DGKB: variants seen among roughly 807,000 people sequenced by gnomAD.
DGKB encodes the protein diacylglycerol kinase beta.
In DGKB, 67 loss-of-function variants were observed where a neutral mutation model predicts 114.3. The observed-to-expected ratio is 0.59, with a 90% CI of 0.48 to 0.72. The LOEUF (loss-of-function observed/expected upper bound fraction) is 0.72. Ranked by LOEUF, DGKB falls within the 30% of genes least tolerant of loss-of-function variation. DGKB has a pLI of 0.00. For synonymous variants in DGKB, 398 were observed against 323.1 expected, an observed-to-expected ratio of 1.23 and a Z score of -2.49; for missense variants, 907 against 975.2, an observed-to-expected ratio of 0.93 and a Z score of 0.93.
chr7:14,285,232 A>G (rs773078025), intron 23 of DGKB, among the ~76,000 whole-genome samples: 22 of 152,272 alleles, frequency 1.4e-4, no homozygotes, highest in Non-Finnish European at 2.5e-4. Context: ...CCTAAAATAT[A>G]CTGCCATTAG....
Position 14,736,186 on chromosome 7 carries a change from A to G in DGKB, c.177T>C (p.Asp59=), listed in dbSNP as rs1307914777. 5.9e-6 allele frequency: 9 copies of G among 1,534,004 alleles called. No individual in the cohort carries two copies. Among genetic ancestry groups the G allele is most frequent in the Non-Finnish European group, 7.1e-6 (8 of 1,134,556 alleles). The change falls in exon 5 of 26, where the codon GAT becomes GAC. Residue 59 remains aspartate, a synonymous_variant. Coordinates refer to ENST00000402815, the MANE Select transcript of DGKB (RefSeq NM_001350709.2). ...GKQDILNQTI[D]FEGFKLFMKT... The stretch of plus-strand genomic sequence containing the variant: ...TCATGAATAGTTTGAAACCTTCAAA[A>G]TCTATTGTCTGGAAAAAAAAAATGT...
intron 2 of DGKB, among the ~76,000 whole-genome samples, chr7:14,816,829 A>G (rs940146193): frequency 1.3e-4 from 20 of 152,170 alleles, no homozygotes; most frequent in African/African-American, 4.6e-4. Context: ...TGAAAATAAC[A>G]TTGACTTTCT....
intron 21 of DGKB, among the ~76,000 whole-genome samples, chr7:14,368,847 G>A (rs1369561660): frequency 2.0e-5 from 3 of 152,142 alleles, no homozygotes; most frequent in African/African-American, 7.2e-5. Flanking sequence ...GAGCCCGGGA[G>A]AGCCCTCAGA....
intron 17 of DGKB, among the ~76,000 whole-genome samples, chr7:14,602,985 A>C (rs945598645): frequency 1.3e-5 from 2 of 152,156 alleles, no homozygotes; most frequent in African/African-American, 4.8e-5. Flanking sequence ...TAGACTTTTC[A>C]ACATCTTTAA....
chr7:14,646,974 CA>C (rs1235784134), intron 13 of DGKB, among the ~76,000 whole-genome samples: 1 of 151,450 alleles, frequency 6.6e-6, no homozygotes, highest in African/African-American at 2.4e-5. Context: ...TAATAAAGAT[CA>C]AAGCAGAACT....
Position 14,685,235 on chromosome 7 carries a change from A to C in DGKB, c.829+10T>G. The stretch of plus-strand genomic sequence containing the variant: ...AGGAGATGATGTCCAGGCAGAGCAA[A>C]TGTACTCACAGGAACAGCAGAGGCC... On this transcript the variant is annotated intron_variant, in intron 10 of 25. Transcript: ENST00000402815. 6.3e-7 allele frequency: 1 copy of C among 1,587,632 alleles called. No individual in the cohort carries two copies. Among genetic ancestry groups the C allele is most frequent in the South Asian group, 1.1e-5 (1 of 90,500 alleles).
At chr7:14,848,534 A>G (rs747840697) in intron 1 of DGKB, among the ~76,000 whole-genome samples, 16 of 152,310 alleles carry the variant, frequency 1.1e-4, no homozygotes, top group South Asian at 4.1e-4. Context: ...TATATAGATG[A>G]TATTTCAAGA....
At chr7:14,273,744 C>A (rs932173170) in intron 23 of DGKB, among the ~76,000 whole-genome samples, 1 of 152,162 alleles carries the variant, frequency 6.6e-6, no homozygotes, top group Non-Finnish European at 1.5e-5. Flanking sequence ...TAAAACTATA[C>A]AGACATGATA....
intron 1 of DGKB, among the ~76,000 whole-genome samples, chr7:14,932,569 A>C (rs184172540): frequency 5.4e-4 from 82 of 152,310 alleles, no homozygotes; most frequent in African/African-American, 1.9e-3. Context: ...ACTTTATGCC[A>C]CCCCTATGGG....
intron 21 of DGKB, among the ~76,000 whole-genome samples, chr7:14,389,372 G>A (rs1157567786): frequency 1.3e-5 from 2 of 152,142 alleles, no homozygotes; most frequent in African/African-American, 4.8e-5. Flanking sequence ...TCAGTCAGGC[G>A]ATTAAATTTA....
chr7:14,453,008 G>T (rs780550786), intron 21 of DGKB, among the ~76,000 whole-genome samples: 2 of 152,030 alleles, frequency 1.3e-5, no homozygotes, highest in Admixed American at 1.3e-4. Flanking sequence ...ATTGTAACGT[G>T]GTCCATGACT....
chr7:14,872,555 G>C (rs1227569061), intron 1 of DGKB, among the ~76,000 whole-genome samples: 1 of 152,018 alleles, frequency 6.6e-6, no homozygotes, highest in Admixed American at 6.6e-5. Flanking sequence ...GATAAATTTT[G>C]GTTAAACGAA....
intron 17 of DGKB, among the ~76,000 whole-genome samples, chr7:14,600,294 C>T (rs909550441): frequency 6.6e-6 from 1 of 152,144 alleles, no homozygotes. Context: ...CTCATTGCTC[C>T]ACCTCTTAAT....
intron 21 of DGKB, among the ~76,000 whole-genome samples, chr7:14,368,423 G>A (rs551687838): frequency 6.6e-6 from 1 of 152,208 alleles, no homozygotes; most frequent in Admixed American, 6.5e-5. Context: ...TGAGATATAG[G>A]TAAAGTATTT....
At chr7:14,702,323 G>A (rs17168348) in intron 6 of DGKB, among the ~76,000 whole-genome samples, 3,251 of 152,186 alleles carry the variant, frequency 0.021, 109 homozygotes, top group African/African-American at 0.075. Flanking sequence ...TATGGGCGAG[G>A]AAGGCGGAGT....
chr7:14,495,635 G>T (rs1785198498), intron 20 of DGKB, among the ~76,000 whole-genome samples: 2 of 151,782 alleles, frequency 1.3e-5, no homozygotes, highest in South Asian at 4.1e-4. Flanking sequence ...CATATAAGGA[G>T]TCAGAACAGA....
intron 17 of DGKB, among the ~76,000 whole-genome samples, chr7:14,604,726 G>T (rs180986667): frequency 8.2e-4 from 125 of 152,210 alleles, no homozygotes; most frequent in African/African-American, 2.8e-3. Flanking sequence ...GGGCAATACA[G>T]CTAGAAAACA....
intron 23 of DGKB, among the ~76,000 whole-genome samples, chr7:14,229,528 C>G (rs183885663): frequency 7.9e-5 from 12 of 152,010 alleles, no homozygotes; most frequent in African/African-American, 2.9e-4. Flanking sequence ...TCATTATGCA[C>G]TGCATACGTG....
chr7:14,558,137 GATAA>G (rs527523865), intron 20 of DGKB, among the ~76,000 whole-genome samples: 46 of 149,426 alleles, frequency 3.1e-4, no homozygotes, highest in African/African-American at 1.1e-3. Context: ...ATATATTTAT[GATAA>G]ATATCTATAT....
Sources: allele counts gnomAD v4.1 joint callset (sites outside exome capture counted in the v4.1 genomes callset), GRCh38; gene constraint gnomAD v4.1.1; transcripts MANE v1.5; gene names NCBI Gene and HGNC (gene_info 2026-07-23, HGNC 2026-07-21).